The following PARP8 variants were observed in gnomAD, a reference collection of about 807,000 sequenced individuals.
PARP8 encodes protein mono-ADP-ribosyltransferase PARP8.
Under a neutral mutation model 124.1 loss-of-function variants are expected in PARP8, and 51 were observed. That is an observed-to-expected ratio of 0.41 (90% CI 0.33 to 0.52). The LOEUF (loss-of-function observed/expected upper bound fraction) is 0.52, where lower values mean the gene tolerates loss of function less well. PARP8 is among the 20% of genes least tolerant of loss of function. The pLI is 0.21. For missense variants in PARP8, 860 were observed against 1,018.9 expected (o/e 0.84, Z 2.12); for synonymous variants, 391 against 361.5 (o/e 1.08, Z -0.93).
At chr5:50,754,959 T>G (rs1759755627) in intron 3 of PARP8, among the ~76,000 whole-genome samples, 1 of 152,334 alleles carries the variant, frequency 6.6e-6, no homozygotes, top group African/African-American at 2.4e-5. Flanking sequence ...TTTTCATGTG[T>G]CTGTTGGCTG....
chr5:50,678,430 A>G (rs1750884216), intron 2 of PARP8, among the ~76,000 whole-genome samples: 1 of 152,216 alleles, frequency 6.6e-6, no homozygotes, highest in Non-Finnish European at 1.5e-5. Flanking sequence ...TTTTAAACAT[A>G]CCAAGATAAC....
rs141010002 is a variant in PARP8, at chr5:50,780,559, G to A, written c.670+1909G>A. Among the ~76,000 whole-genome samples the A allele has an allele frequency of 2.1e-3, 313 of 151,984 alleles. 2 individuals are homozygous for A. Among genetic ancestry groups the A allele is most frequent in the Non-Finnish European group, 3.0e-3 (201 of 67,924 alleles). ...CTTTAAAGATTTTTTACATTTGCGT[G>A]GTTTTATAAATATTTTAACACTCAT... On this transcript the variant is annotated intron_variant, in intron 9 of 25. Coordinates refer to ENST00000281631, the MANE Select transcript of PARP8 (RefSeq NM_024615.4).
intron 25 of PARP8, among the ~76,000 whole-genome samples, chr5:50,841,203 G>C (rs1748142200): frequency 6.6e-6 from 1 of 151,754 alleles, no homozygotes; most frequent in Admixed American, 6.6e-5. Context: ...AAATTAATTT[G>C]TCACTTGTTC....
intron 7 of PARP8, among the ~76,000 whole-genome samples, chr5:50,765,966 A>G (rs1276211041): frequency 6.6e-6 from 1 of 151,918 alleles, no homozygotes; most frequent in South Asian, 2.1e-4. Flanking sequence ...AATATGCACA[A>G]CAGGCTATTA....
intron 2 of PARP8, among the ~76,000 whole-genome samples, chr5:50,703,299 CAAAAAAA>C (rs34772044): frequency 2.6e-5 from 3 of 117,506 alleles, no homozygotes; most frequent in African/African-American, 9.3e-5. Context: ...GACCGTGTCT[CAAAAAAA>C]AAAAAAAAAG....
chr5:50,791,041 G>T (rs550307672), intron 10 of PARP8, among the ~76,000 whole-genome samples: 3 of 152,190 alleles, frequency 2.0e-5, no homozygotes, highest in South Asian at 2.1e-4. Flanking sequence ...ATATAAAGAG[G>T]TTATTTTCTT....
At chr5:50,834,821 G>C (rs1266454231) in intron 24 of PARP8, 110 bp from the exon 25 acceptor site, 1 of 877,728 alleles carries the variant, frequency 1.1e-6, no homozygotes, top group Non-Finnish European at 1.9e-6. Flanking sequence ...GTGTTCATTA[G>C]TGCTTGTATT....
At chr5:50,719,667 T>C (rs1755675494) in intron 2 of PARP8, among the ~76,000 whole-genome samples, 1 of 152,084 alleles carries the variant, frequency 6.6e-6, no homozygotes. Flanking sequence ...GGTTCCCTAT[T>C]CCATCCAAAT....
intron 25 of PARP8, among the ~76,000 whole-genome samples, chr5:50,838,263 C>T (rs1384026481): frequency 6.6e-6 from 1 of 152,002 alleles, no homozygotes. Context: ...TTTCCTTGCT[C>T]ACTACAGTAG....
intron 2 of PARP8, among the ~76,000 whole-genome samples, chr5:50,705,321 G>A (rs1754021893): frequency 1.3e-5 from 2 of 151,876 alleles, no homozygotes; most frequent in Non-Finnish European, 2.9e-5. Context: ...AAAATTGGTG[G>A]GCAAAGAAAT....
chr5:50,762,358 A>G (rs767782628), intron 6 of PARP8, among the ~76,000 whole-genome samples: 19 of 152,150 alleles, frequency 1.2e-4, no homozygotes, highest in Admixed American at 1.0e-3. Context: ...CTTGGTGTTG[A>G]AAAATTGTTA....
At position 50,686,706 on chromosome 5, in the gene PARP8, G is replaced by T. The variant is rs189685165; in HGVS notation, c.146+18581G>T. Among the ~76,000 whole-genome samples, 7 of 152,356 alleles carry T rather than the reference G, an allele frequency of 4.6e-5. No homozygotes were observed. The East Asian group carries it at 1.4e-3, about 29-fold the overall frequency. ...TCTAGAGAGAGGTTTCCAAACCTCA[G>T]TTCTTGACTTCTGTGCACCTGCAGG... On this transcript the variant is annotated intron_variant, in intron 2 of 25. Coordinates refer to ENST00000281631, the MANE Select transcript of PARP8 (RefSeq NM_024615.4).
rs1451795608 is a variant in PARP8, at chr5:50,845,043, G to A, written c.*2975G>A. 4.0e-5 allele frequency: 6 copies of A among 150,546 alleles called. No homozygotes were observed. The highest frequency in any genetic ancestry group is 2.1e-4 in the South Asian group (1 of 4,804). The allele number at this position is 150,546 out of a possible 1,614,324, so 9.3% of individuals were successfully genotyped here. A position where few individuals can be genotyped will look rare whatever the true frequency, so the allele number is the denominator to read the frequency against. The stretch of plus-strand genomic sequence containing the variant: ...AAAGTGCCACATTGTAAAAGTTACC[G>A]TTAAATACTATGTAGTATAAAAAAC... On this transcript the variant is annotated 3_prime_UTR_variant, in exon 26 of 26. Transcript: ENST00000281631.
chr5:50,714,211 T>G (rs553773815), intron 2 of PARP8, among the ~76,000 whole-genome samples: 33 of 151,952 alleles, frequency 2.2e-4, no homozygotes, highest in Admixed American at 1.6e-3. Context: ...CTGTCAAGAC[T>G]TTTTGGAACT....
chr5:50,667,984 A>G (rs1216750574), intron 1 of PARP8, 87 bp from the exon 2 acceptor site: 9 of 1,606,146 alleles, frequency 5.6e-6, no homozygotes, highest in Non-Finnish European at 6.8e-6. Flanking sequence ...GCCTCCCCTG[A>G]CACCACCGAA....
intron 11 of PARP8, 126 bp from the exon 12 acceptor site, chr5:50,794,727 G>T: frequency 2.4e-6 from 2 of 846,354 alleles, no homozygotes; most frequent in South Asian, 3.6e-5. Context: ...TTTTGACTGG[G>T]TAGGCTATAT....
chr5:50,694,671 C>T (rs532979626), intron 2 of PARP8, among the ~76,000 whole-genome samples: 10 of 152,160 alleles, frequency 6.6e-5, no homozygotes, highest in South Asian at 2.1e-4. Flanking sequence ...TCTAGAAGGA[C>T]GGAACTAATA....
intron 2 of PARP8, among the ~76,000 whole-genome samples, chr5:50,696,208 CTTT>C (rs1368177896): frequency 6.6e-6 from 1 of 152,080 alleles, no homozygotes; most frequent in Non-Finnish European, 1.5e-5. Flanking sequence ...TGTATCATCA[CTTT>C]TTAGACTGTT....
chr5:50,840,214 G>T (rs1056148829), intron 25 of PARP8, among the ~76,000 whole-genome samples: 2 of 151,774 alleles, frequency 1.3e-5, no homozygotes, highest in African/African-American at 2.4e-5. Context: ...TGTTTGATTC[G>T]ATTCGATTCA....
Sources: gnomAD v4.1 joint callset for allele counts (sites outside exome capture counted in the v4.1 genomes callset) on GRCh38, gnomAD v4.1.1 for gene constraint, MANE v1.5 for transcripts, NCBI Gene and HGNC (gene_info 2026-07-23, HGNC 2026-07-21) for gene names.